GPR161: variants seen among roughly 807,000 people sequenced by gnomAD.
GPR161 encodes G protein-coupled receptor 161.
In GPR161, 25 loss-of-function variants were observed where a neutral mutation model predicts 39.2. The ratio of observed to expected loss-of-function variants is 0.64; its 90% CI spans 0.47 to 0.89. GPR161 has a LOEUF of 0.89. Ranked by LOEUF, GPR161 falls within the 40% of genes least tolerant of loss-of-function variation. The pLI is 0.00. For missense variants in GPR161, 547 were observed against 677.8 expected, an observed-to-expected ratio of 0.81 and a Z score of 2.14; for synonymous variants, 286 against 276.6, an observed-to-expected ratio of 1.03 and a Z score of -0.34.
Position 168,082,900 on chromosome 1 carries a change from C to T in GPR161, c.*2631G>A, listed in dbSNP as rs1694174219. Reference sequence around the variant, plus strand: ...TCTCTTTTCCTTCTCCCCCACACCCCCTTCTCTCTTTCTCTCTAGCTGAAT... The same window carrying T: ...TCTCTTTTCCTTCTCCCCCACACCCTCTTCTCTCTTTCTCTCTAGCTGAAT... On this transcript the variant is annotated 3_prime_UTR_variant, in exon 6 of 6. Coordinates refer to ENST00000682931, the MANE Select transcript of GPR161 (RefSeq NM_001375883.1). 6.6e-6 allele frequency: 1 copy of T among 152,266 alleles called. No homozygotes were observed. The highest frequency in any genetic ancestry group is 2.1e-4 in the South Asian group (1 of 4,830). 9.4% of individuals were successfully genotyped at this position (152,266 alleles called of 1,614,324 possible).
chr1:168,106,693 T>C (rs181760747), intron 1 of GPR161, among the ~76,000 whole-genome samples: 1 of 152,370 alleles, frequency 6.6e-6, no homozygotes, highest in African/African-American at 2.4e-5. Flanking sequence ...CAGATGTCCC[T>C]AATCTTGAAC....
intron 3 of GPR161, among the ~76,000 whole-genome samples, chr1:168,092,322 T>A (rs1247240530): frequency 2.0e-5 from 3 of 152,060 alleles, no homozygotes; most frequent in Non-Finnish European, 4.4e-5. Context: ...TTGGACACCA[T>A]CTCTGAGGCT....
intron 1 of GPR161, among the ~76,000 whole-genome samples, chr1:168,132,725 T>A (rs370979310): frequency 6.6e-6 from 1 of 151,946 alleles, no homozygotes; most frequent in Non-Finnish European, 1.5e-5. Context: ...CATTTTTAGG[T>A]TTGTTTTTGT....
At position 168,096,943 on chromosome 1, in the gene GPR161, C is replaced by T. The variant is rs1572271734; in HGVS notation, c.664G>A (p.Val222Met). The T allele has an allele frequency of 6.2e-7, 1 of 1,614,150 alleles. No individual in the cohort carries two copies. Among genetic ancestry groups the T allele is most frequent in the Non-Finnish European group, 8.5e-7 (1 of 1,180,030 alleles). ...FRVARVKARK[V>M]HCGTVVIVEE... is the part of the protein sequence containing the mutation. ...ACGATGACGACTGTGCCACAGTGCACCTTGCGTGCCTTGACCCTGGCCACG... is the reference window on the plus strand; with the variant it reads ...ACGATGACGACTGTGCCACAGTGCATCTTGCGTGCCTTGACCCTGGCCACG... Residue 222 changes from valine (V) to methionine (M), a missense_variant, in exon 3 of 6, where the codon GTG becomes ATG. Physicochemically the swap from Val to Met is conservative, Grantham distance 21. Transcript: ENST00000682931.
chr1:168,087,131 C>CA lies in GPR161; in HGVS notation c.1324+453dup, dbSNP rs1289238774. Among the ~76,000 whole-genome samples the CA allele has an allele frequency of 2.0e-5, 3 of 152,196 alleles. No individual in the cohort carries two copies. The East Asian group carries it at 5.8e-4, about 29-fold the overall frequency. ...GTAGGGATTGGGCTGCGGCAGAACT[C>CA]ATTCTCCTCACAGGACCCAAGGGCC... On this transcript the variant is annotated intron_variant, in intron 5 of 5. Transcript: ENST00000682931.
chr1:168,086,728 C>G (rs1374023910), intron 5 of GPR161, among the ~76,000 whole-genome samples: 1 of 152,184 alleles, frequency 6.6e-6, no homozygotes, highest in Non-Finnish European at 1.5e-5. Flanking sequence ...ATTATAAAGC[C>G]CATGAGGCTG....
chr1:168,105,613 G>A (rs367796402), intron 1 of GPR161, among the ~76,000 whole-genome samples: 13 of 152,164 alleles, frequency 8.5e-5, no homozygotes, highest in African/African-American at 2.9e-4. Flanking sequence ...CAGACACGGC[G>A]AGGGAGGGCA....
At chr1:168,121,409 T>C (rs1275401856) in intron 1 of GPR161, among the ~76,000 whole-genome samples, 1 of 152,150 alleles carries the variant, frequency 6.6e-6, no homozygotes, top group Middle Eastern at 3.2e-3. Flanking sequence ...CTCTCAACCA[T>C]AGACTGTCGG....
intron 2 of GPR161, among the ~76,000 whole-genome samples, chr1:168,101,549 T>G (rs986857567): frequency 1.3e-5 from 2 of 152,168 alleles, no homozygotes; most frequent in Non-Finnish European, 2.9e-5. Flanking sequence ...TGACAAAGCG[T>G]CCAGGCTCGG....
chr1:168,101,653 C>A (rs980035451), intron 2 of GPR161, among the ~76,000 whole-genome samples: 4 of 152,144 alleles, frequency 2.6e-5, no homozygotes, highest in African/African-American at 9.7e-5. Context: ...TCTGCAAAAT[C>A]GGGGCTAACA....
rs767061233 is a variant in GPR161, at chr1:168,085,636, C to T, written c.1485G>A (p.Pro495=). The T allele has an allele frequency of 4.2e-5, 68 of 1,614,030 alleles. No homozygotes were observed. Among genetic ancestry groups the T allele is most frequent in the Admixed American group, 6.7e-5 (4 of 60,018 alleles). Residue 495 remains proline (P), a synonymous_variant, in exon 6 of 6, where the codon CCG becomes CCA. Coordinates refer to ENST00000682931, the MANE Select transcript of GPR161 (RefSeq NM_001375883.1). ...PGVLVTARTV[P]GGGFGGRRGS... ...CTCGGCGGCCCCCGAAGCCGCCCCC[C>T]GGGACAGTCCGTGCTGTAACCAAGA... is the stretch of plus-strand genomic sequence containing the variant.
At chr1:168,100,227 A>AAT (rs1458582758) in intron 2 of GPR161, among the ~76,000 whole-genome samples, 1 of 150,862 alleles carries the variant, frequency 6.6e-6, no homozygotes, top group East Asian at 1.9e-4. Context: ...AAAAAAAAAA[A>AAT]AAAAAAGGAT....
At chr1:168,107,233 A>T (rs2102181818) in intron 1 of GPR161, among the ~76,000 whole-genome samples, 1 of 152,316 alleles carries the variant, frequency 6.6e-6, no homozygotes, top group Non-Finnish European at 1.5e-5. Flanking sequence ...AGAGAAAAAA[A>T]ACAGATGAAA....
chr1:168,093,207 T>C (rs983553656), intron 3 of GPR161, among the ~76,000 whole-genome samples: 1 of 152,132 alleles, frequency 6.6e-6, no homozygotes, highest in Non-Finnish European at 1.5e-5. Context: ...CGTGGCAACC[T>C]CCAGGAAGTC....
chr1:168,119,306 A>G (rs548434649), intron 1 of GPR161, among the ~76,000 whole-genome samples: 3 of 146,012 alleles, frequency 2.1e-5, no homozygotes, highest in Non-Finnish European at 4.5e-5. Context: ...ATACATACGT[A>G]CATACATATT....
At chr1:168,136,424 G>T in intron 1 of GPR161, 3 of 1,352,420 alleles carry the variant, frequency 2.2e-6, no homozygotes, top group East Asian at 3.1e-5. Flanking sequence ...GGCTTCGGGC[G>T]GCGCCGGAGA....
chr1:168,100,772 T>C (rs1696023468), intron 2 of GPR161, among the ~76,000 whole-genome samples: 1 of 152,264 alleles, frequency 6.6e-6, no homozygotes, highest in South Asian at 2.1e-4. Flanking sequence ...TCTAGCTACT[T>C]TCATGTACTG....
chr1:168,116,747 C>T (rs1021568911), intron 1 of GPR161, among the ~76,000 whole-genome samples: 1 of 152,204 alleles, frequency 6.6e-6, no homozygotes, highest in Non-Finnish European at 1.5e-5. Flanking sequence ...ACCCCAGGGG[C>T]GTGTACCCAC....
At chr1:168,122,585 C>T (rs563348998) in intron 1 of GPR161, among the ~76,000 whole-genome samples, 3 of 152,254 alleles carry the variant, frequency 2.0e-5, no homozygotes, top group African/African-American at 2.4e-5. Flanking sequence ...TCTCCATTAC[C>T]GCTCCAATCT....
Sources: gnomAD v4.1 joint callset for allele counts (sites outside exome capture counted in the v4.1 genomes callset) on GRCh38, gnomAD v4.1.1 for gene constraint, MANE v1.5 for transcripts, NCBI Gene and HGNC (gene_info 2026-07-23, HGNC 2026-07-21) for gene names.